The following ZFHX3 variants were observed in gnomAD, a reference collection of about 807,000 sequenced individuals.
ZFHX3 encodes the protein zinc finger homeobox protein 3.
A neutral mutation model predicts 279.1 loss-of-function variants in ZFHX3; 42 were observed. The observed-to-expected ratio is 0.15, with a 90% CI of 0.12 to 0.19. ZFHX3 has a LOEUF of 0.19. Ranked by LOEUF, ZFHX3 falls within the 10% of genes least tolerant of loss-of-function variation. ZFHX3 has a pLI of 1.00. For missense variants in ZFHX3, 4,981 were observed against 4,754.0 expected (o/e 1.05, Z -1.40); for synonymous variants, 2,293 against 1,957.8 (o/e 1.17, Z -4.52).
At chr16:73,665,310 T>C (rs1269396187) in intron 2 of ZFHX3, among the ~76,000 whole-genome samples, 1 of 150,854 alleles carries the variant, frequency 6.6e-6, no homozygotes, top group Admixed American at 6.7e-5. Flanking sequence ...ACCTCCCAGG[T>C]CCAAGTAATT....
At chr16:73,398,992 G>C (rs1225097710) in intron 3 of ZFHX3, among the ~76,000 whole-genome samples, 4 of 151,320 alleles carry the variant, frequency 2.6e-5, no homozygotes, top group Admixed American at 6.6e-5. Context: ...AGCCTCCCAA[G>C]TAGCTGGGAC....
At chr16:73,728,523 C>G (rs1233873484) in intron 1 of ZFHX3, among the ~76,000 whole-genome samples, 1 of 152,086 alleles carries the variant, frequency 6.6e-6, no homozygotes, top group Admixed American at 6.5e-5. Flanking sequence ...TGGTAGCTGA[C>G]ATAAAGAGAA....
intron 2 of ZFHX3, among the ~76,000 whole-genome samples, chr16:73,661,337 G>T (rs1262180673): frequency 2.0e-5 from 3 of 152,230 alleles, no homozygotes; most frequent in Non-Finnish European, 4.4e-5. Flanking sequence ...GAGCTTTGCA[G>T]AGTTAACTCA....
intron 1 of ZFHX3, among the ~76,000 whole-genome samples, chr16:73,890,243 AAAAAAAAAAAACAAC>A (rs1754054867): frequency 2.1e-5 from 1 of 47,300 alleles, no homozygotes; most frequent in African/African-American, 5.0e-5. Context: ...AAAAAACCAA[AAAAAAAAAAAACAAC>A]AAAAAAAAAC....
chr16:73,760,560 ATGT>A (rs2053853413), intron 1 of ZFHX3, among the ~76,000 whole-genome samples: 1 of 152,208 alleles, frequency 6.6e-6, no homozygotes, highest in African/African-American at 2.4e-5. Flanking sequence ...ATGAACATCA[ATGT>A]AAAAATCCTC....
intron 2 of ZFHX3, among the ~76,000 whole-genome samples, chr16:73,515,284 C>T (rs1313245969): frequency 6.6e-6 from 1 of 152,156 alleles, no homozygotes; most frequent in Non-Finnish European, 1.5e-5. Context: ...GGGGGATGTG[C>T]AAGACACACC....
intron 8 of ZFHX3, among the ~76,000 whole-genome samples, chr16:73,067,764 G>A (rs1965773305): frequency 6.6e-6 from 1 of 152,202 alleles, no homozygotes; most frequent in African/African-American, 2.4e-5. Context: ...TTAGTGCCCA[G>A]CCTTGGAGGG....
chr16:73,861,213 G>T (rs1052223686), intron 1 of ZFHX3, among the ~76,000 whole-genome samples: 3 of 151,948 alleles, frequency 2.0e-5, no homozygotes, highest in Admixed American at 1.3e-4. Flanking sequence ...TGATCTGCCC[G>T]CCTCGGTCTC....
At chr16:73,291,729 A>G (rs549900044) in intron 4 of ZFHX3, among the ~76,000 whole-genome samples, 1 of 152,322 alleles carries the variant, frequency 6.6e-6, no homozygotes, top group South Asian at 2.1e-4. Flanking sequence ...AGAACCTGTC[A>G]TGAGCCATAT....
chr16:73,164,798 A>G (rs1967320780), intron 5 of ZFHX3, among the ~76,000 whole-genome samples: 1 of 152,142 alleles, frequency 6.6e-6, no homozygotes, highest in Non-Finnish European at 1.5e-5. Flanking sequence ...ATTCTCATTA[A>G]TGCTTTATGT....
intron 1 of ZFHX3, among the ~76,000 whole-genome samples, chr16:73,721,551 C>T (rs2053473826): frequency 6.6e-6 from 1 of 152,192 alleles, no homozygotes; most frequent in African/African-American, 2.4e-5. Context: ...GAAATCCTAA[C>T]TGGACTGTGA....
At chr16:73,323,214 G>A (rs1252938357) in intron 3 of ZFHX3, among the ~76,000 whole-genome samples, 1 of 152,204 alleles carries the variant, frequency 6.6e-6, no homozygotes, top group East Asian at 1.9e-4. Context: ...AGACCCAGCA[G>A]AGTTAAGAAG....
chr16:73,418,855 AC>A (rs1439147971), intron 3 of ZFHX3, among the ~76,000 whole-genome samples: 2 of 152,222 alleles, frequency 1.3e-5, no homozygotes, highest in African/African-American at 2.4e-5. Context: ...TCCAATGGAT[AC>A]TTTTTCACGT....
intron 4 of ZFHX3, among the ~76,000 whole-genome samples, chr16:72,854,473 G>A (rs2037699439): frequency 6.6e-6 from 1 of 152,102 alleles, no homozygotes; most frequent in Admixed American, 6.6e-5. Context: ...TCCCTCTGAG[G>A]CCTACAAATC....
chr16:72,995,931 A>T (rs1963267090), intron 1 of ZFHX3, among the ~76,000 whole-genome samples: 1 of 152,352 alleles, frequency 6.6e-6, no homozygotes, highest in South Asian at 2.1e-4. Context: ...TGTTCTGCTC[A>T]GGAGGCACTG....
intron 2 of ZFHX3, among the ~76,000 whole-genome samples, chr16:73,464,076 AT>A (rs1003254473): frequency 6.6e-6 from 1 of 151,942 alleles, no homozygotes; most frequent in Non-Finnish European, 1.5e-5. Context: ...GTATTTCTGT[AT>A]TTTTTTTCTC....
At chr16:73,327,222 C>T (rs12919785) in intron 3 of ZFHX3, among the ~76,000 whole-genome samples, 59,317 of 152,046 alleles carry the variant, frequency 0.39, 13,271 homozygotes, top group Non-Finnish European at 0.52. Context: ...CTCTTATGCA[C>T]GTAGAACAGG....
At chr16:73,734,615 G>C (rs114326552) in intron 1 of ZFHX3, among the ~76,000 whole-genome samples, 2,295 of 152,132 alleles carry the variant, frequency 0.015, 63 homozygotes, top group African/African-American at 0.053. Flanking sequence ...GCTAGAATTT[G>C]TAGAGAAAAT....
chr16:73,114,244 A>T (rs1966408655), intron 7 of ZFHX3, among the ~76,000 whole-genome samples: 1 of 151,692 alleles, frequency 6.6e-6, no homozygotes, highest in Non-Finnish European at 1.5e-5. Context: ...AAGGGAATGG[A>T]TTTTGCCTGT....
Sources: allele counts gnomAD v4.1 joint callset (sites outside exome capture counted in the v4.1 genomes callset), GRCh38; gene constraint gnomAD v4.1.1; transcripts MANE v1.5; gene names NCBI Gene and HGNC (gene_info 2026-07-23, HGNC 2026-07-21).